Variants in STAT4 observed in about 807,000 individuals in gnomAD.
The protein encoded by STAT4 is signal transducer and activator of transcription 4.
In STAT4, 42 loss-of-function variants were observed where a neutral mutation model predicts 110.5. That is an observed-to-expected ratio of 0.38 (90% CI 0.30 to 0.49). The LOEUF is 0.49. Ranked by LOEUF, STAT4 falls within the 20% of genes least tolerant of loss-of-function variation. The probability of loss-of-function intolerance (pLI) is 0.95; values close to 1 mark genes in which losing one functional copy is unlikely to be tolerated. For missense variants in STAT4, 632 were observed against 887.9 expected, an observed-to-expected ratio of 0.71 and a Z score of 3.66; for synonymous variants, 284 against 302.2, an observed-to-expected ratio of 0.94 and a Z score of 0.63.
intron 3 of STAT4, among the ~76,000 whole-genome samples, chr2:191,127,376 C>T (rs1698909950): frequency 6.6e-6 from 1 of 152,210 alleles, no homozygotes; most frequent in Non-Finnish European, 1.5e-5. Context: ...GTACCAGATA[C>T]TCTTTTTCTT....
chr2:191,060,716 G>A lies in STAT4; in HGVS notation c.1034+1013C>T, dbSNP rs1255659948. 6.6e-6 allele frequency among the ~76,000 whole-genome samples: 1 copy of A among 152,212 alleles called. No homozygotes were observed. The highest frequency in any genetic ancestry group is 1.5e-5 in the Non-Finnish European group (1 of 68,038). ...TTATAGGCGTGAGCCACCATGCCTG[G>A]CCAACAGTGCAATTTAAAAAGGAAC... On this transcript the variant is annotated intron_variant, in intron 10 of 23. Transcript: ENST00000392320. The surrounding 1 kb of genome is among the most constrained non-coding windows in gnomAD (Gnocchi z 4.5).
intron 3 of STAT4, among the ~76,000 whole-genome samples, chr2:191,092,323 G>A (rs1697823159): frequency 6.6e-6 from 1 of 152,128 alleles, no homozygotes; most frequent in Non-Finnish European, 1.5e-5. Flanking sequence ...AAACTTGCTT[G>A]AACCCGGGAG....
At chr2:191,128,116 T>A (rs1468146057) in intron 3 of STAT4, among the ~76,000 whole-genome samples, 1 of 152,192 alleles carries the variant, frequency 6.6e-6, no homozygotes, top group Admixed American at 6.5e-5. Flanking sequence ...GAAATATGAG[T>A]GTTATGATAT....
At position 191,062,554 on chromosome 2, in the gene STAT4, A is replaced by C. The variant is rs1471147750; in HGVS notation, c.941+208T>G. 6.6e-6 allele frequency among the ~76,000 whole-genome samples: 1 copy of C among 152,210 alleles called. No homozygotes were observed. Among genetic ancestry groups the C allele is most frequent in the Admixed American group, 6.5e-5 (1 of 15,284 alleles). ...GAATGACATGACTTAGCTTGTGGAA[A>C]ACTGAGCCAGTTGGTGAGAGAAGTG... is the stretch of plus-strand genomic sequence containing the variant. On this transcript the variant is annotated intron_variant, in intron 9 of 23. Coordinates refer to ENST00000392320, the MANE Select transcript of STAT4 (RefSeq NM_003151.4). This position sits in a 1 kb window ranked among gnomAD's most constrained non-coding sequence, Gnocchi z 4.9.
At chr2:191,041,184 T>G (rs374151633) in intron 14 of STAT4, 36 bp from the exon 15 acceptor site, 82 of 1,252,740 alleles carry the variant, frequency 6.5e-5, no homozygotes, top group Non-Finnish European at 8.2e-5. Flanking sequence ...ACCTCACAAA[T>G]GCATACTCAC....
chr2:191,048,419 C>T (rs908756403), intron 14 of STAT4, among the ~76,000 whole-genome samples: 7 of 152,092 alleles, frequency 4.6e-5, no homozygotes, highest in African/African-American at 1.4e-4. Flanking sequence ...TAAGCTAGAA[C>T]ACTATTCAGT....
chr2:191,039,351 ATCT>A lies in STAT4; in HGVS notation c.1336-57_1336-55del, dbSNP rs2125159562. 1 of 1,518,710 alleles carries A rather than the reference ATCT, an allele frequency of 6.6e-7. No individual in the cohort carries two copies. The highest frequency in any genetic ancestry group is 2.2e-5 in the East Asian group (1 of 44,448). The allele number at this position is 1,518,710 out of a possible 1,614,324, so 94.1% of individuals were successfully genotyped here. A position where few individuals can be genotyped will look rare whatever the true frequency, so the allele number is the denominator to read the frequency against. ...TTACAGGTAGTCCCACCTTACATTG[ATCT>A]TATGCTTGACCCTCGCCTCTAAAGG... On this transcript the variant is annotated intron_variant, in intron 15 of 23. Coordinates refer to ENST00000392320, the MANE Select transcript of STAT4 (RefSeq NM_003151.4). This position sits in a 1 kb window ranked among gnomAD's most constrained non-coding sequence, Gnocchi z 4.7.
intron 3 of STAT4, among the ~76,000 whole-genome samples, chr2:191,132,379 A>C (rs1360931528): frequency 6.6e-6 from 1 of 151,806 alleles, no homozygotes; most frequent in South Asian, 2.1e-4. Flanking sequence ...AGATATTCTT[A>C]AGCATGAACG....
chr2:191,054,842 C>T (rs571887738), intron 13 of STAT4, among the ~76,000 whole-genome samples: 9 of 152,264 alleles, frequency 5.9e-5, no homozygotes, highest in South Asian at 2.1e-4. Flanking sequence ...CACTCCTTGG[C>T]GCCTGGAAAG....
At chr2:191,052,224 C>T (rs1028845024) in intron 14 of STAT4, among the ~76,000 whole-genome samples, 1 of 152,136 alleles carries the variant, frequency 6.6e-6, no homozygotes, top group Non-Finnish European at 1.5e-5. Flanking sequence ...CCCCTGATTC[C>T]CGGTTTATCT....
In STAT4 at chr2:191,150,203, G is replaced by A. The variant is rs1222355367; in HGVS notation, c.-2+744C>T. Among the ~76,000 whole-genome samples the A allele has an allele frequency of 6.6e-6, 1 of 151,966 alleles. No individual in the cohort carries two copies. Among genetic ancestry groups the A allele is most frequent in the Non-Finnish European group, 1.5e-5 (1 of 67,980 alleles). ...ATCACTACTAAGATCTGAGTCTTTC[G>A]GAGAGCTGAATTCAAAGCTGAAAAA... is the stretch of plus-strand genomic sequence containing the variant. On this transcript the variant is annotated intron_variant, in intron 1 of 23. Coordinates refer to ENST00000392320, the MANE Select transcript of STAT4 (RefSeq NM_003151.4). The surrounding 1 kb of genome is among the most constrained non-coding windows in gnomAD (Gnocchi z 6.4).
rs1344102911 is a variant in STAT4, at chr2:191,083,326, T to C, written c.274-7001A>G. Among the ~76,000 whole-genome samples the C allele has an allele frequency of 6.6e-6, 1 of 152,204 alleles. No homozygotes were observed. Among genetic ancestry groups the C allele is most frequent in the African/African-American group, 2.4e-5 (1 of 41,446 alleles). ...TGGTATGGAATATGTGACAGAGTTATCTACTCAAGGACTTTGGGAACTGGA... is the reference window on the plus strand; with the variant it reads ...TGGTATGGAATATGTGACAGAGTTACCTACTCAAGGACTTTGGGAACTGGA... On this transcript the variant is annotated intron_variant, in intron 3 of 23. Transcript: ENST00000392320. This position sits in a 1 kb window ranked among gnomAD's most constrained non-coding sequence, Gnocchi z 4.6.
chr2:191,133,629 G>T lies in STAT4; in HGVS notation c.273+12984C>A, dbSNP rs376562196. Among the ~76,000 whole-genome samples, 154 of 151,340 alleles carry T rather than the reference G, an allele frequency of 1.0e-3. 4 individuals carry two copies. Among genetic ancestry groups the T allele is most frequent in the African/African-American group, 3.5e-3 (144 of 40,912 alleles). On this transcript the variant is annotated intron_variant, in intron 3 of 23. Transcript: ENST00000392320. ...TCATACTTTCTTCTTTGCACTTTTT[G>T]TGTTGCTTTAATTTTAAAAAATTAT...
intron 17 of STAT4, 131 bp from the exon 18 acceptor site, chr2:191,034,728 G>C (rs1294063478): frequency 5.7e-6 from 4 of 699,876 alleles, no homozygotes; most frequent in Non-Finnish European, 1.1e-5. Context: ...GCAATGTACT[G>C]AGTGCTAGGT....
chr2:191,097,522 G>T (rs537392929), intron 3 of STAT4, among the ~76,000 whole-genome samples: 1 of 152,140 alleles, frequency 6.6e-6, no homozygotes, highest in Non-Finnish European at 1.5e-5. Context: ...AATGGGGAAA[G>T]GATTCCCTAT....
chr2:191,034,691 C>T, intron 17 of STAT4, 94 bp from the exon 18 acceptor site: 1 of 913,362 alleles, frequency 1.1e-6, no homozygotes, highest in South Asian at 1.3e-5. Flanking sequence ...CCCTTTCAAG[C>T]ATTTCTTAAG....
intron 14 of STAT4, among the ~76,000 whole-genome samples, chr2:191,047,086 T>C (rs1216312738): frequency 6.6e-6 from 1 of 152,184 alleles, no homozygotes. Context: ...CTGTATGTAA[T>C]GAAGCTTCCA....
At chr2:191,076,990 G>A (rs1661635141) in intron 3 of STAT4, among the ~76,000 whole-genome samples, 1 of 152,136 alleles carries the variant, frequency 6.6e-6, no homozygotes, top group African/African-American at 2.4e-5. Flanking sequence ...TGTTAACTGT[G>A]TGTCATGGTT....
At chr2:191,069,033 A>G (rs560748309) in intron 6 of STAT4, among the ~76,000 whole-genome samples, 1 of 152,228 alleles carries the variant, frequency 6.6e-6, no homozygotes, top group South Asian at 2.1e-4. Flanking sequence ...ACTTTTTGAC[A>G]TGAGGAAATA....
Sources: gnomAD v4.1 joint callset for allele counts (sites outside exome capture counted in the v4.1 genomes callset) on GRCh38, gnomAD v4.1.1 for gene constraint, Gnocchi (gnomAD v3.1) non-coding constraint, MANE v1.5 for transcripts, NCBI Gene and HGNC (gene_info 2026-07-23, HGNC 2026-07-21) for gene names.